Variants in MAGI2 observed in about 807,000 individuals in gnomAD.
MAGI2 encodes membrane-associated guanylate kinase, WW and PDZ domain-containing protein 2.
MAGI2 carries 35 observed loss-of-function variants against 133.3 expected under a neutral mutation model. That is an observed-to-expected ratio of 0.26 (90% confidence interval 0.20 to 0.35). The LOEUF (loss-of-function observed/expected upper bound fraction) is 0.35. Ranked by LOEUF, MAGI2 falls within the 10% of genes least tolerant of loss-of-function variation. The pLI is 1.00. For missense variants in MAGI2, 1,636 were observed against 1,863.4 expected, an observed-to-expected ratio of 0.88 and a Z score of 2.25; for synonymous variants, 729 against 710.6, an observed-to-expected ratio of 1.03 and a Z score of -0.41.
chr7:79,328,972 T>C (rs10248245), intron 1 of MAGI2, among the ~76,000 whole-genome samples: 2,446 of 152,292 alleles, frequency 0.016, 56 homozygotes, highest in African/African-American at 0.057. Context: ...AATACAAATG[T>C]GGGGGCCCTA....
At chr7:79,353,329 C>T in intron 1 of MAGI2, 1 of 394,336 alleles carries the variant, frequency 2.5e-6, no homozygotes, top group Non-Finnish European at 5.1e-6. Context: ...GGAGCTGACA[C>T]TGTCTGTGAC....
intron 3 of MAGI2, among the ~76,000 whole-genome samples, chr7:78,625,267 A>T (rs1371124279): frequency 6.6e-6 from 1 of 152,134 alleles, no homozygotes; most frequent in Non-Finnish European, 1.5e-5. Flanking sequence ...TATAAAAATG[A>T]TTGGCTACAA....
chr7:79,318,144 G>A (rs959271878), intron 1 of MAGI2, among the ~76,000 whole-genome samples: 14 of 152,060 alleles, frequency 9.2e-5, no homozygotes, highest in African/African-American at 2.9e-4. Flanking sequence ...TCTATACACT[G>A]AGGAAAGCAA....
At chr7:78,687,113 G>A (rs1816405454) in intron 2 of MAGI2, among the ~76,000 whole-genome samples, 2 of 152,250 alleles carry the variant, frequency 1.3e-5, no homozygotes, top group South Asian at 2.1e-4. Context: ...GGTGAGACTA[G>A]GGAAATTGGC....
chr7:78,371,866 A>G (rs1381992310), intron 6 of MAGI2, among the ~76,000 whole-genome samples: 3 of 152,098 alleles, frequency 2.0e-5, no homozygotes, highest in African/African-American at 7.2e-5. Context: ...AAGAACTGTT[A>G]GAGGTCCTAG....
At chr7:78,652,169 T>A (rs1811647009) in intron 2 of MAGI2, among the ~76,000 whole-genome samples, 1 of 152,084 alleles carries the variant, frequency 6.6e-6, no homozygotes, top group South Asian at 2.1e-4. Context: ...ACACTGAAGG[T>A]TAGCATTTAA....
chr7:79,444,295 T>C (rs1469804917), intron 1 of MAGI2, among the ~76,000 whole-genome samples: 1 of 152,130 alleles, frequency 6.6e-6, no homozygotes, highest in Non-Finnish European at 1.5e-5. Context: ...TTCAACATAG[T>C]GTTGGAAGTT....
intron 2 of MAGI2, among the ~76,000 whole-genome samples, chr7:78,745,408 T>C (rs1292283700): frequency 1.3e-5 from 2 of 152,178 alleles, no homozygotes; most frequent in African/African-American, 4.8e-5. Context: ...GCAAGCTTTC[T>C]GTTCCCAACT....
chr7:79,356,940 C>A (rs1232825398), intron 1 of MAGI2, among the ~76,000 whole-genome samples: 1 of 152,184 alleles, frequency 6.6e-6, no homozygotes, highest in Non-Finnish European at 1.5e-5. Context: ...TTTTGCTTGA[C>A]AGTCCTCTCA....
chr7:78,867,597 C>T (rs564166227), intron 2 of MAGI2, among the ~76,000 whole-genome samples: 3 of 149,886 alleles, frequency 2.0e-5, no homozygotes, highest in South Asian at 2.1e-4. Flanking sequence ...TGCTAGATGA[C>T]AAGTTAGTGG....
chr7:79,183,959 G>C (rs946719435), intron 1 of MAGI2, among the ~76,000 whole-genome samples: 3 of 151,524 alleles, frequency 2.0e-5, no homozygotes, highest in Non-Finnish European at 2.9e-5. Flanking sequence ...GTAGAGAGTA[G>C]AATGATGGGT....
intron 13 of MAGI2, among the ~76,000 whole-genome samples, chr7:78,180,924 AT>A (rs371615787): frequency 0.16 from 17,505 of 106,910 alleles, 1,296 homozygotes; most frequent in East Asian, 0.33. Context: ...AGGCAGCAGT[AT>A]TTTTTTTTTT....
chr7:78,832,521 C>T (rs1791267996), intron 2 of MAGI2, among the ~76,000 whole-genome samples: 1 of 152,120 alleles, frequency 6.6e-6, no homozygotes, highest in African/African-American at 2.4e-5. Context: ...CCAGCAGATA[C>T]ACTATGCCAT....
At chr7:79,030,639 G>GT (rs1291425750) in intron 1 of MAGI2, among the ~76,000 whole-genome samples, 2 of 152,148 alleles carry the variant, frequency 1.3e-5, no homozygotes, top group Non-Finnish European at 2.9e-5. Context: ...ACAAAAGAAG[G>GT]TAACAGAAGA....
intron 1 of MAGI2, among the ~76,000 whole-genome samples, chr7:79,357,698 C>G (rs1842113780): frequency 6.6e-6 from 1 of 152,126 alleles, no homozygotes; most frequent in African/African-American, 2.4e-5. Flanking sequence ...TTAAAACAAT[C>G]TTTAAGAAAT....
At chr7:78,461,259 T>G (rs1420788712) in intron 6 of MAGI2, among the ~76,000 whole-genome samples, 1 of 152,180 alleles carries the variant, frequency 6.6e-6, no homozygotes, top group Non-Finnish European at 1.5e-5. Context: ...CTTCGAATAA[T>G]TTGATAAATA....
intron 1 of MAGI2, among the ~76,000 whole-genome samples, chr7:79,422,794 C>T (rs1177731546): frequency 6.6e-6 from 1 of 151,948 alleles, no homozygotes; most frequent in African/African-American, 2.4e-5. Context: ...AGTCAGAAAC[C>T]AAACTTGGAA....
intron 2 of MAGI2, among the ~76,000 whole-genome samples, chr7:78,900,216 G>A (rs1309311984): frequency 6.6e-6 from 1 of 152,082 alleles, no homozygotes; most frequent in African/African-American, 2.4e-5. Context: ...TTCCTGTTTG[G>A]ACTTCCTGCT....
chr7:78,294,859 A>T (rs1334845853), intron 9 of MAGI2, among the ~76,000 whole-genome samples: 1 of 152,206 alleles, frequency 6.6e-6, no homozygotes, highest in Non-Finnish European at 1.5e-5. Context: ...AAATTTCGGT[A>T]CAATAGTTAC....
Sources: allele counts gnomAD v4.1 joint callset (sites outside exome capture counted in the v4.1 genomes callset), GRCh38; gene constraint gnomAD v4.1.1; transcripts MANE v1.5; gene names NCBI Gene and HGNC (gene_info 2026-07-23, HGNC 2026-07-21).